The following CHST3 variants were observed in gnomAD, a reference collection of about 807,000 sequenced individuals.
The protein encoded by CHST3 is carbohydrate sulfotransferase 3.
A neutral mutation model predicts 35.4 loss-of-function variants in CHST3; 20 were observed. The ratio of observed to expected loss-of-function variants is 0.57; its 90% CI spans 0.40 to 0.82. The LOEUF is 0.82. Among genes scored for constraint, CHST3 ranks in the 40% least tolerant of loss-of-function variants. The pLI, the probability that CHST3 is intolerant of heterozygous loss-of-function variation, is 0.00. For synonymous variants in CHST3, 334 were observed against 295.9 expected (o/e 1.13, Z -1.32); for missense variants, 693 against 670.1 (o/e 1.03, Z -0.38).
In CHST3 at chr10:72,007,770, T is replaced by A. The variant is rs1290581186; in HGVS notation, c.739T>A (p.Cys247Ser). The A allele has an allele frequency of 6.2e-7, 1 of 1,601,358 alleles. No individual in the cohort carries two copies. The highest frequency in any genetic ancestry group is 8.5e-7 in the Non-Finnish European group (1 of 1,179,656). The change falls in exon 3 of 3, where the codon TGC (cysteine) becomes AGC (serine). Residue 247 changes from cysteine (C) to serine (S), a missense_variant. Physicochemically the swap from Cys to Ser is moderately radical, Grantham distance 112. Transcript: ENST00000373115. ...FVKKVFEKYH[C>S]KNRRCGPLNV... Reference sequence around the variant, plus strand: ...CAAGAAGGTCTTCGAGAAGTACCACTGCAAGAACCGCCGCTGCGGCCCCCT... The same window carrying A: ...CAAGAAGGTCTTCGAGAAGTACCACAGCAAGAACCGCCGCTGCGGCCCCCT...
rs767987808 is a variant in CHST3 at position 72,008,290 on chromosome 10, ACTC to A, written c.1263_1265del (p.Ser422del). On this transcript the variant is annotated inframe_deletion, in exon 3 of 3. Transcript: ENST00000373115. ...AGCGGCATCTACTCCACGCAGAAGA[ACTC>A]CTCGGAGCAGTTCGAGAAGTGGCGC... 5 of 1,586,220 alleles carry A rather than the reference ACTC, an allele frequency of 3.2e-6. No individual in the cohort carries two copies. In the South Asian group the frequency reaches 3.5e-5, roughly 11 times the overall value.
rs1406660409 is a variant in CHST3, at chr10:72,011,574, C to A, written c.*3103C>A. ...TCTGTTCCAGCTTGTCTGCCAGAAG[C>A]CTTCCCCTGCAAGGTGCCCACCTGC... is the stretch of plus-strand genomic sequence containing the variant. On this transcript the variant is annotated 3_prime_UTR_variant, in exon 3 of 3. Transcript: ENST00000373115. 6.6e-6 allele frequency: 1 copy of A among 152,238 alleles called. No homozygotes were observed. Among genetic ancestry groups the A allele is most frequent in the African/African-American group, 2.4e-5 (1 of 41,464 alleles). The allele number at this position is 152,238 out of a possible 1,614,324, so 9.4% of individuals were successfully genotyped here.
In CHST3 at chr10:72,007,298, G is replaced by A. The variant is rs1399357192; in HGVS notation, c.267G>A (p.Gln89=). 1.2e-6 allele frequency: 2 copies of A among 1,613,610 alleles called. No individual in the cohort carries two copies. The highest frequency in any genetic ancestry group is 8.5e-7 in the Non-Finnish European group (1 of 1,179,848). ...GCGAGCTCGATTCAGCCTTCTCCCAGCTTCAGAGCCGTCTCCGCAACCTCA... is the reference window on the plus strand; with the variant it reads ...GCGAGCTCGATTCAGCCTTCTCCCAACTTCAGAGCCGTCTCCGCAACCTCA... ...SLSELDSAFS[Q]LQSRLRNLSL... is the part of the protein sequence containing the mutation. Residue 89 remains glutamine (Q), a synonymous_variant, in exon 3 of 3, where the codon CAG becomes CAA. Coordinates refer to ENST00000373115, the MANE Select transcript of CHST3 (RefSeq NM_004273.5).
At position 71,985,602 on chromosome 10, in the gene CHST3, A is replaced by G. The variant is rs1279683286; in HGVS notation, c.-107-20134A>G. ...TGCTCAATCTTACTGCCCCACCTCTACTTCCAACTTGCAAAGATCTCTTGA... is the reference window on the plus strand; with the variant it reads ...TGCTCAATCTTACTGCCCCACCTCTGCTTCCAACTTGCAAAGATCTCTTGA... On this transcript the variant is annotated intron_variant, in intron 1 of 2. Transcript: ENST00000373115. 2.0e-5 allele frequency among the ~76,000 whole-genome samples: 3 copies of G among 152,034 alleles called. No individual in the cohort carries two copies. In the East Asian group the frequency reaches 5.8e-4, roughly 29 times the overall value.
intron 2 of CHST3, 110 bp downstream of exon 2, chr10:72,006,092 G>C: frequency 7.3e-7 from 1 of 1,369,556 alleles, no homozygotes; most frequent in Non-Finnish European, 1.0e-6. Context: ...CCTTCAACGA[G>C]CCATCCCCAG....
rs147804585 is a variant in CHST3, at chr10:72,007,592, G to C, written c.561G>C (p.Val187=). 8.8e-4 allele frequency: 1,413 copies of C among 1,609,428 alleles called. 20 individuals carry two copies. The African/African-American group carries it at 0.016, about 18-fold the overall frequency. Residue 187 remains valine, a synonymous_variant, in exon 3 of 3, where the codon GTG becomes GTC. Coordinates refer to ENST00000373115, the MANE Select transcript of CHST3 (RefSeq NM_004273.5). ...CCAACGCCGCGGGCTCGGCCCTGGT[G>C]TACCGCGACGTGCTCAAGCAGCTCT... The part of the protein sequence containing the change: ...GGANAAGSAL[V]YRDVLKQLFL...
intron 1 of CHST3, among the ~76,000 whole-genome samples, chr10:71,997,016 C>T (rs1388179369): frequency 6.6e-6 from 1 of 152,064 alleles, no homozygotes; most frequent in Non-Finnish European, 1.5e-5. Flanking sequence ...TCGGCCTCAC[C>T]GTGCCTGGCC....
chr10:71,982,932 C>G (rs1037942593), intron 1 of CHST3, among the ~76,000 whole-genome samples: 1 of 152,226 alleles, frequency 6.6e-6, no homozygotes, highest in African/African-American at 2.4e-5. Flanking sequence ...ACCAGGTTGT[C>G]CGACCCCTTC....
rs572373662 is a variant in CHST3 at position 72,010,740 on chromosome 10, T to C, written c.*2269T>C. ...AAACATGACCGTGGGGCCAGGATGT[T>C]TCTGGCAGGCCCAGAAGTGCTGGCC... On this transcript the variant is annotated 3_prime_UTR_variant, in exon 3 of 3. Transcript: ENST00000373115. The C allele has an allele frequency of 2.0e-5, 3 of 152,358 alleles. No homozygotes were observed. The highest frequency in any genetic ancestry group is 2.0e-4 in the Admixed American group (3 of 15,298). The allele number at this position is 152,358 out of a possible 1,614,324, so 9.4% of individuals were successfully genotyped here.
chr10:71,965,249 G>A (rs1368983129), intron 1 of CHST3, among the ~76,000 whole-genome samples: 1 of 151,954 alleles, frequency 6.6e-6, no homozygotes, highest in Non-Finnish European at 1.5e-5. Context: ...TCGGTGTCTG[G>A]GTGATGTGTG....
chr10:71,991,486 CT>C (rs1564528223), intron 1 of CHST3, among the ~76,000 whole-genome samples: 1 of 152,186 alleles, frequency 6.6e-6, no homozygotes, highest in African/African-American at 2.4e-5. Flanking sequence ...ACCCCAAAAC[CT>C]TTTGTGGGGA....
intron 1 of CHST3, among the ~76,000 whole-genome samples, chr10:71,966,504 C>G (rs928348049): frequency 6.6e-6 from 1 of 152,164 alleles, no homozygotes; most frequent in African/African-American, 2.4e-5. Context: ...ATTCCCCACC[C>G]CTGCCCCCTT....
chr10:71,972,952 G>T (rs1839709849), intron 1 of CHST3, among the ~76,000 whole-genome samples: 1 of 152,210 alleles, frequency 6.6e-6, no homozygotes, highest in African/African-American at 2.4e-5. Context: ...TCTGCACCAG[G>T]CAATGGGATG....
chr10:71,990,218 C>T (rs952333848), intron 1 of CHST3, among the ~76,000 whole-genome samples: 2 of 152,114 alleles, frequency 1.3e-5, no homozygotes, highest in African/African-American at 4.8e-5. Context: ...ATTTATTGCT[C>T]ATGGTTCTGG....
chr10:71,990,843 G>T (rs185428902), intron 1 of CHST3, among the ~76,000 whole-genome samples: 323 of 152,300 alleles, frequency 2.1e-3, no homozygotes, highest in African/African-American at 7.5e-3. Context: ...TGATGGTTTG[G>T]CCAAATCATC....
At chr10:72,000,233 A>T (rs1430112299) in intron 1 of CHST3, among the ~76,000 whole-genome samples, 1 of 152,180 alleles carries the variant, frequency 6.6e-6, no homozygotes, top group Non-Finnish European at 1.5e-5. Context: ...TCGTTCATTC[A>T]TTCATTCATT....
chr10:72,006,945 C>T (rs923952674), intron 2 of CHST3, among the ~76,000 whole-genome samples: 2 of 152,256 alleles, frequency 1.3e-5, no homozygotes, highest in Non-Finnish European at 2.9e-5. Flanking sequence ...CCTAGCAGCA[C>T]ATCCATCATG....
intron 1 of CHST3, among the ~76,000 whole-genome samples, chr10:71,985,116 C>A (rs1040788300): frequency 5.3e-5 from 8 of 152,244 alleles, no homozygotes; most frequent in African/African-American, 1.9e-4. Flanking sequence ...AGCCTCCCAG[C>A]CAGAGTGCCT....
intron 1 of CHST3, among the ~76,000 whole-genome samples, chr10:71,992,961 C>G (rs1472005279): frequency 6.6e-6 from 1 of 152,192 alleles, no homozygotes; most frequent in South Asian, 2.1e-4. Flanking sequence ...CACTCCCAGA[C>G]AATTTATAGA....
Sources: allele counts gnomAD v4.1 joint callset (sites outside exome capture counted in the v4.1 genomes callset), GRCh38; gene constraint gnomAD v4.1.1; transcripts MANE v1.5; gene names NCBI Gene and HGNC (gene_info 2026-07-23, HGNC 2026-07-21).